MACROD2: variants seen among roughly 807,000 people sequenced by gnomAD.
MACROD2 encodes the protein mono-ADP ribosylhydrolase 2, also known as ADP-ribose glycohydrolase MACROD2.
MACROD2 carries 36 observed loss-of-function variants against 70.4 expected under a neutral mutation model. That is an observed-to-expected ratio of 0.51 (90% CI 0.39 to 0.68). The LOEUF (loss-of-function observed/expected upper bound fraction) is 0.68. Ranked by LOEUF, MACROD2 falls within the 30% of genes least tolerant of loss-of-function variation. The pLI is 0.00. For synonymous variants in MACROD2, 172 were observed against 178.8 expected (o/e 0.96, Z 0.30); for missense variants, 496 against 538.4 (o/e 0.92, Z 0.78).
chr20:15,854,494 C>T (rs1050720126), intron 8 of MACROD2, among the ~76,000 whole-genome samples: 1 of 152,196 alleles, frequency 6.6e-6, no homozygotes, highest in Non-Finnish European at 1.5e-5. Flanking sequence ...TCTAGTGCAA[C>T]TAACACTTTG....
At chr20:14,767,984 CT>C (rs2072114028) in intron 5 of MACROD2, among the ~76,000 whole-genome samples, 1 of 152,040 alleles carries the variant, frequency 6.6e-6, no homozygotes, top group African/African-American at 2.4e-5. Flanking sequence ...TTTTTTATGG[CT>C]GCATAGTATT....
At chr20:15,420,275 T>C (rs1285619571) in intron 6 of MACROD2, among the ~76,000 whole-genome samples, 2 of 152,258 alleles carry the variant, frequency 1.3e-5, no homozygotes, top group African/African-American at 4.8e-5. Context: ...GTTTGTTTTA[T>C]ACTGCATGGA....
rs539115252 is a variant in MACROD2, at chr20:15,662,117, C to A, written c.645+162270C>A. ...CTAATCTGAAACTAACCCAAAGACT[C>A]ATCTAATTTTCTGGTTTACCCCATT... On this transcript the variant is annotated intron_variant, in intron 8 of 17. Transcript: ENST00000684519. Among the ~76,000 whole-genome samples the A allele has an allele frequency of 3.9e-5, 6 of 152,310 alleles. No homozygotes were observed. The South Asian group carries it at 1.0e-3, about 26-fold the overall frequency.
intron 3 of MACROD2, among the ~76,000 whole-genome samples, chr20:14,176,700 C>A (rs1049774604): frequency 1.1e-4 from 17 of 152,236 alleles, no homozygotes; most frequent in Non-Finnish European, 1.6e-4. Flanking sequence ...TTAAATATCT[C>A]TTTGAATATA....
chr20:14,555,064 C>T (rs533542554), intron 4 of MACROD2, among the ~76,000 whole-genome samples: 1 of 151,884 alleles, frequency 6.6e-6, no homozygotes, highest in East Asian at 1.9e-4. Context: ...AGCAAGGTGA[C>T]TGTAGTCAAC....
chr20:15,220,413 G>A (rs1303450027), intron 5 of MACROD2, among the ~76,000 whole-genome samples: 1 of 152,196 alleles, frequency 6.6e-6, no homozygotes, highest in African/African-American at 2.4e-5. Flanking sequence ...TGGAAGCATC[G>A]AGTCACTGCA....
At chr20:16,015,643 T>C (rs1175802779) in intron 15 of MACROD2, among the ~76,000 whole-genome samples, 1 of 152,232 alleles carries the variant, frequency 6.6e-6, no homozygotes, top group African/African-American at 2.4e-5. Context: ...CTTCCCAAAG[T>C]AGCCTTTGTG....
intron 2 of MACROD2, among the ~76,000 whole-genome samples, chr20:14,061,031 T>G (rs2074588766): frequency 6.6e-6 from 1 of 152,164 alleles, no homozygotes; most frequent in South Asian, 2.1e-4. Flanking sequence ...TAAAGCATGT[T>G]ACCTTAAAGC....
chr20:14,036,591 T>C (rs1190547167), intron 2 of MACROD2, among the ~76,000 whole-genome samples: 1 of 152,234 alleles, frequency 6.6e-6, no homozygotes, highest in African/African-American at 2.4e-5. Context: ...TGCCTTTTAC[T>C]TCAGACTTCA....
chr20:15,421,530 A>C (rs1290113713), intron 6 of MACROD2, among the ~76,000 whole-genome samples: 1 of 152,234 alleles, frequency 6.6e-6, no homozygotes, highest in Non-Finnish European at 1.5e-5. Context: ...GAAACATATG[A>C]GGTAGATCAA....
chr20:15,478,597 T>G (rs920857268), intron 7 of MACROD2, among the ~76,000 whole-genome samples: 1 of 150,316 alleles, frequency 6.7e-6, no homozygotes, highest in African/African-American at 2.5e-5. Flanking sequence ...CTTTATTAAG[T>G]TTTTTTGAGC....
At chr20:15,845,917 C>G (rs376644349) in intron 8 of MACROD2, among the ~76,000 whole-genome samples, 254 of 152,280 alleles carry the variant, frequency 1.7e-3, no homozygotes, top group African/African-American at 5.8e-3. Flanking sequence ...AAATTTAAGC[C>G]TATTCTCTTG....
intron 6 of MACROD2, among the ~76,000 whole-genome samples, chr20:15,407,732 A>T (rs2046022963): frequency 6.6e-6 from 1 of 152,226 alleles, no homozygotes; most frequent in Non-Finnish European, 1.5e-5. Context: ...GCTTGTTTTG[A>T]GAATTAAATG....
At chr20:14,783,581 G>A (rs75295477) in intron 5 of MACROD2, among the ~76,000 whole-genome samples, 4,241 of 152,188 alleles carry the variant, frequency 0.028, 91 homozygotes, top group Non-Finnish European at 0.04. Context: ...TTACATCCAT[G>A]TATTATAACA....
chr20:14,146,035 G>T (rs1165972704), intron 3 of MACROD2, among the ~76,000 whole-genome samples: 1 of 152,102 alleles, frequency 6.6e-6, no homozygotes, highest in African/African-American at 2.4e-5. Context: ...AAAGATTTCT[G>T]TAAGTGGCCA....
At chr20:14,941,425 A>G (rs1256542556) in intron 5 of MACROD2, among the ~76,000 whole-genome samples, 2 of 152,084 alleles carry the variant, frequency 1.3e-5, no homozygotes, top group African/African-American at 4.8e-5. Flanking sequence ...GGAACCCAAT[A>G]TGGTAAGGAA....
chr20:14,799,099 G>A (rs1449236758), intron 5 of MACROD2, among the ~76,000 whole-genome samples: 5 of 151,718 alleles, frequency 3.3e-5, no homozygotes, highest in South Asian at 2.1e-4. Context: ...AAAGTAAATC[G>A]TTAGAGAAGG....
At chr20:14,901,982 T>TA (rs1226809920) in intron 5 of MACROD2, among the ~76,000 whole-genome samples, 14 of 152,260 alleles carry the variant, frequency 9.2e-5, no homozygotes, top group Non-Finnish European at 1.5e-5. Flanking sequence ...GGTATAAAAT[T>TA]TATACAGTGG....
intron 6 of MACROD2, among the ~76,000 whole-genome samples, chr20:15,277,171 A>G (rs1011565507): frequency 2.6e-5 from 4 of 152,210 alleles, no homozygotes; most frequent in Admixed American, 1.3e-4. Context: ...GATGGCTGCC[A>G]TAGTTCCTAT....
Sources: gnomAD v4.1 joint callset for allele counts (sites outside exome capture counted in the v4.1 genomes callset) on GRCh38, gnomAD v4.1.1 for gene constraint, MANE v1.5 for transcripts, NCBI Gene and HGNC (gene_info 2026-07-23, HGNC 2026-07-21) for gene names.